ZSCAN25: variants seen among roughly 807,000 people sequenced by gnomAD.
The protein encoded by ZSCAN25 is zinc finger and SCAN domain-containing protein 25.
A neutral mutation model predicts 38.7 loss-of-function variants in ZSCAN25; 27 were observed. That is an observed-to-expected ratio of 0.70 (90% CI 0.51 to 0.96). The LOEUF is 0.96. Ranked by LOEUF, ZSCAN25 falls within the 40% of genes least tolerant of loss-of-function variation. The pLI is 0.00. For missense variants in ZSCAN25, 637 were observed against 705.9 expected (o/e 0.90, Z 1.11); for synonymous variants, 273 against 277.7 (o/e 0.98, Z 0.17).
At chr7:99,700,781 A>T in the ZSCAN25 span, among the ~76,000 whole-genome samples, 1 of 152,150 alleles carries the variant, frequency 6.6e-6, no homozygotes, top group African/African-American at 2.4e-5. Context: ...GGTGGAGTTG[A>T]CTTGGGTGAG....
At chr7:99,667,029 A>G in the ZSCAN25 span, 1 of 1,614,144 alleles carries the variant, frequency 6.2e-7, no homozygotes, top group Non-Finnish European at 8.5e-7. Context: ...TCAGCTAAAG[A>G]GATGGCACTT....
At chr7:99,641,646 A>C in the ZSCAN25 span, among the ~76,000 whole-genome samples, 486 of 152,152 alleles carry the variant, frequency 3.2e-3, 1 homozygote, top group African/African-American at 0.011. Context: ...CCACCATCCA[A>C]ACCTAATTCT....
At chr7:99,617,541 G>A (rs920455295) in intron 1 of ZSCAN25, among the ~76,000 whole-genome samples, 19 of 151,582 alleles carry the variant, frequency 1.3e-4, no homozygotes, top group African/African-American at 3.9e-4. Flanking sequence ...CATTCATGCC[G>A]CTGCACTCCA....
At chr7:99,638,895 G>T in the ZSCAN25 span, 1 of 557,662 alleles carries the variant, frequency 1.8e-6, no homozygotes, top group Non-Finnish European at 3.3e-6. Context: ...TGTCTCCTAA[G>T]GGCAGAGGCC....
At chr7:99,684,871 A>C in the ZSCAN25 span, 7 of 271,680 alleles carry the variant, frequency 2.6e-5, no homozygotes, top group East Asian at 4.7e-4. Flanking sequence ...GGTGCTAACT[A>C]GGGGTGGCTG....
intron 7 of ZSCAN25, among the ~76,000 whole-genome samples, chr7:99,627,680 TGTATATGCTGTATACGTATATCTC>T (rs1442139419): frequency 3.3e-4 from 50 of 151,656 alleles, no homozygotes; most frequent in Middle Eastern, 3.4e-3. Flanking sequence ...ACGTATATCA[TGTATATGCTGTATACGTATATCTC>T]GTATATGCTG....
chr7:99,664,665 T>G, the ZSCAN25 span, among the ~76,000 whole-genome samples: 26 of 152,156 alleles, frequency 1.7e-4, no homozygotes, highest in Non-Finnish European at 1.5e-5. Context: ...AAACACAGGA[T>G]GTAGCCAAAC....
At chr7:99,726,887 A>G in the ZSCAN25 span, among the ~76,000 whole-genome samples, 3 of 152,158 alleles carry the variant, frequency 2.0e-5, no homozygotes, top group Non-Finnish European at 2.9e-5. Context: ...ATGAAAACAC[A>G]TGGGGTCTCC....
chr7:99,720,314 C>T, the ZSCAN25 span: 3 of 1,612,598 alleles, frequency 1.9e-6, no homozygotes, highest in South Asian at 1.1e-5. Context: ...GATGCTTACC[C>T]TCCGGTTTGT....
the ZSCAN25 span, among the ~76,000 whole-genome samples, chr7:99,706,352 T>C: frequency 6.6e-6 from 1 of 152,158 alleles, no homozygotes; most frequent in East Asian, 1.9e-4. Flanking sequence ...CCATCCTAGG[T>C]GTGCCAGAGG....
the ZSCAN25 span, chr7:99,665,170 T>C: frequency 3.1e-6 from 5 of 1,608,958 alleles, no homozygotes; most frequent in East Asian, 1.1e-4. Flanking sequence ...ACATACTTAT[T>C]GAGAGAAATA....
chr7:99,675,131 G>GTGAA, the ZSCAN25 span, among the ~76,000 whole-genome samples: 1 of 152,348 alleles, frequency 6.6e-6, no homozygotes, highest in Admixed American at 6.5e-5. Context: ...AAGTGAGTGA[G>GTGAA]TGAATGAGAA....
At chr7:99,647,773 A>C in the ZSCAN25 span, 1 of 985,456 alleles carries the variant, frequency 1.0e-6, no homozygotes, top group Non-Finnish European at 1.2e-6. Context: ...CAATGATAAA[A>C]AATGTTTATT....
the ZSCAN25 span, among the ~76,000 whole-genome samples, chr7:99,700,669 T>G: frequency 1.3e-5 from 2 of 152,158 alleles, no homozygotes; most frequent in Admixed American, 6.5e-5. Context: ...CTGTTTCCCT[T>G]AGCAGAGGTG....
intron 7 of ZSCAN25, among the ~76,000 whole-genome samples, chr7:99,627,209 CA>C (rs1376604501): frequency 6.6e-6 from 1 of 152,168 alleles, no homozygotes; most frequent in African/African-American, 2.4e-5. Flanking sequence ...ATTTGTCTAA[CA>C]ATGACATTCC....
chr7:99,728,561 C>T, the ZSCAN25 span, among the ~76,000 whole-genome samples: 1 of 152,214 alleles, frequency 6.6e-6, no homozygotes, highest in African/African-American at 2.4e-5. Flanking sequence ...AGTTTTGCCT[C>T]ACACAAGGCC....
At position 99,629,084 on chromosome 7, in the gene ZSCAN25, G is replaced by GCCGTATCATT; in HGVS notation, c.806-107_806-106insCCGTATCATT. 19 of 1,461,860 alleles carry GCCGTATCATT rather than the reference G, an allele frequency of 1.3e-5. No homozygotes were observed. The highest frequency in any genetic ancestry group is 9.8e-5 in the Admixed American group (4 of 40,722). 90.6% of individuals were successfully genotyped at this position (1,461,860 alleles called of 1,614,324 possible). A position where few individuals can be genotyped will look rare whatever the true frequency, so the allele number is the denominator to read the frequency against. ...CCTGAGTTGAGGTTGTTGGTCAAAGGAAAAAAGAGAAGGAACCATGAATGG... is the reference window on the plus strand; with the variant it reads ...CCTGAGTTGAGGTTGTTGGTCAAAGGCCGTATCATTAAAAAAGAGAAGGAACCATGAATGG... On this transcript the variant is annotated intron_variant, in intron 7 of 7. Transcript: ENST00000394152. This position sits in a 1 kb window ranked among gnomAD's most constrained non-coding sequence, Gnocchi z 5.6.
chr7:99,667,648 A>G, the ZSCAN25 span, among the ~76,000 whole-genome samples: 6 of 152,334 alleles, frequency 3.9e-5, no homozygotes, highest in Admixed American at 1.3e-4. Flanking sequence ...AGGGATAATT[A>G]CTTTTCCCAA....
At chr7:99,620,763 A>G (rs1020270069) in intron 4 of ZSCAN25, 1 of 151,928 alleles carries the variant, frequency 6.6e-6, no homozygotes, top group African/African-American at 2.4e-5. Context: ...TGCTCTTTTT[A>G]ATTTATTATT....
Sources: gnomAD v4.1 joint callset for allele counts (sites outside exome capture counted in the v4.1 genomes callset) on GRCh38, gnomAD v4.1.1 for gene constraint, Gnocchi (gnomAD v3.1) non-coding constraint, MANE v1.5 for transcripts, NCBI Gene and HGNC (gene_info 2026-07-23, HGNC 2026-07-21) for gene names.